NWD1: variants seen among roughly 807,000 people sequenced by gnomAD.
NWD1 encodes NACHT and WD repeat domain containing 1, also known as NACHT domain- and WD repeat-containing protein 1.
NWD1 carries 129 observed loss-of-function variants against 135.1 expected under a neutral mutation model. That is an observed-to-expected ratio of 0.96 (90% CI 0.83 to 1.11). The LOEUF (loss-of-function observed/expected upper bound fraction) is 1.11. Ranked by LOEUF, NWD1 falls within the 50% of genes least tolerant of loss-of-function variation. NWD1 has a pLI of 0.00. For missense variants in NWD1, 1,740 were observed against 1,851.3 expected, an observed-to-expected ratio of 0.94 and a Z score of 1.10; for synonymous variants, 773 against 786.0, an observed-to-expected ratio of 0.98 and a Z score of 0.28.
chr19:16,794,284 T>G (rs1409493314), intron 14 of NWD1, among the ~76,000 whole-genome samples, 179 bp from the exon 15 acceptor site: 9 of 152,138 alleles, frequency 5.9e-5, no homozygotes, highest in Admixed American at 5.9e-4. Flanking sequence ...GGGAATTGCT[T>G]GAACCCGGGA....
chr19:16,763,505 C>T (rs1969098759), intron 8 of NWD1, among the ~76,000 whole-genome samples: 1 of 152,144 alleles, frequency 6.6e-6, no homozygotes. Context: ...TGTTCCCTTG[C>T]CCTGGAATGC....
intron 15 of NWD1, among the ~76,000 whole-genome samples, chr19:16,796,249 T>C (rs1970413662): frequency 6.6e-6 from 1 of 152,000 alleles, no homozygotes; most frequent in Non-Finnish European, 1.5e-5. Flanking sequence ...TTCAGATCAG[T>C]GAACTTCTGA....
chr19:16,782,769 G>T (rs1039712496), intron 12 of NWD1, among the ~76,000 whole-genome samples: 5 of 151,976 alleles, frequency 3.3e-5, no homozygotes, highest in African/African-American at 4.8e-5. Context: ...AGGATGCCTT[G>T]AGCCCGGGTG....
rs147723042 is a variant in NWD1 at position 16,749,527 on chromosome 19, C to T, written c.885C>T (p.Tyr295=). The part of the protein sequence containing the change: ...DTAGQELAWL[Y]QEIRHHLWQS... ...CCGGACAGGAGTTGGCGTGGCTCTA[C>T]CAAGAGATCCGCCACCACCTTTGGC... The change falls in exon 6 of 19, where the codon TAC becomes TAT. Residue 295 remains tyrosine (Y), a synonymous_variant. Coordinates refer to ENST00000524140, the MANE Select transcript of NWD1 (RefSeq NM_001007525.5). 1.5e-4 allele frequency: 243 copies of T among 1,612,070 alleles called. No individual in the cohort carries two copies. The highest frequency in any genetic ancestry group is 1.9e-4 in the Non-Finnish European group (219 of 1,178,450).
intron 10 of NWD1, 79 bp from the exon 11 acceptor site, chr19:16,773,047 C>T: frequency 8.2e-7 from 1 of 1,217,922 alleles, no homozygotes. Flanking sequence ...GGAGCCCCTG[C>T]AGGGAGCAGA....
intron 14 of NWD1, among the ~76,000 whole-genome samples, chr19:16,792,635 T>C (rs138821864): frequency 0.029 from 4,410 of 151,722 alleles, 92 homozygotes; most frequent in Middle Eastern, 0.048. Context: ...TGAGCCAAGA[T>C]TGCACCACTG....
chr19:16,792,587 C>T (rs1970284727), intron 14 of NWD1, among the ~76,000 whole-genome samples: 1 of 152,084 alleles, frequency 6.6e-6, no homozygotes, highest in African/African-American at 2.4e-5. Context: ...GAGGCTGAGG[C>T]AGGAGAATTG....
chr19:16,815,368 TC>T lies in NWD1; in HGVS notation c.*331del. On this transcript the variant is annotated 3_prime_UTR_variant, in exon 19 of 19. Transcript: ENST00000524140. ...AAAAAACCCTGTGGGGGTATGGGGC[TC>T]CAGTGAGTTAGCCCCATTTAATCTA... is the stretch of plus-strand genomic sequence containing the variant. 1 of 679,732 alleles carries T rather than the reference TC, an allele frequency of 1.5e-6. No homozygotes were observed. Among genetic ancestry groups the T allele is most frequent in the Non-Finnish European group, 2.7e-6 (1 of 374,806 alleles). The allele number at this position is 679,732 out of a possible 1,614,324, so 42.1% of individuals were successfully genotyped here.
intron 16 of NWD1, 39 bp from the exon 17 acceptor site, chr19:16,799,847 A>G: frequency 6.5e-7 from 1 of 1,545,984 alleles, no homozygotes; most frequent in Non-Finnish European, 8.7e-7. Context: ...AGTTGTCCAC[A>G]GAAGATGTCA....
At chr19:16,747,536 G>A (rs1968377095) in intron 5 of NWD1, among the ~76,000 whole-genome samples, 1 of 150,758 alleles carries the variant, frequency 6.6e-6, no homozygotes, top group South Asian at 2.1e-4. Flanking sequence ...GCCATCACAG[G>A]TGGCTAACTT....
rs936579866 is a variant in NWD1, at chr19:16,814,744, A to G, written c.4288-284A>G. 3.1e-4 allele frequency among the ~76,000 whole-genome samples: 47 copies of G among 152,196 alleles called. 1 individual carries two copies. The highest frequency in any genetic ancestry group is 1.0e-3 in the African/African-American group (43 of 41,454). On this transcript the variant is annotated intron_variant, in intron 18 of 18. Transcript: ENST00000524140. ...AACCTCTCTTCCTTCTCCTCCTTCA[A>G]CAATAATATTTACTGAGCTCACTCT...
chr19:16,807,604 T>C lies in NWD1; in HGVS notation c.3755T>C (p.Leu1252Pro). ...DLAEGEEQDS[L>P]DTSSEIRCLE... ...CTGGCAGGCGAGGAACAAGATTCCC[T>C]GGACACCTCCAGTGAGATCAGGTGT... is the stretch of plus-strand genomic sequence containing the variant. Residue 1252 changes from leucine (L) to proline (P), a missense_variant, in exon 18 of 19, where the codon CTG (leucine) becomes CCG (proline). By Grantham distance (98) the Leu-to-Pro change is moderately conservative. Coordinates refer to ENST00000524140, the MANE Select transcript of NWD1 (RefSeq NM_001007525.5). 1 of 1,525,846 alleles carries C rather than the reference T, an allele frequency of 6.6e-7. No homozygotes were observed. Among genetic ancestry groups the C allele is most frequent in the Non-Finnish European group, 8.8e-7 (1 of 1,137,174 alleles). 94.5% of individuals were successfully genotyped at this position (1,525,846 alleles called of 1,614,324 possible).
At chr19:16,786,264 C>T (rs1013148163) in intron 12 of NWD1, among the ~76,000 whole-genome samples, 1 of 151,968 alleles carries the variant, frequency 6.6e-6, no homozygotes, top group African/African-American at 2.4e-5. Flanking sequence ...CACTTCGGCC[C>T]CTGAAAGTGC....
intron 12 of NWD1, among the ~76,000 whole-genome samples, chr19:16,785,513 A>AAAAAT (rs569369668): frequency 9.0e-4 from 137 of 151,984 alleles, no homozygotes; most frequent in African/African-American, 1.6e-3. Context: ...TCTGTCTCAA[A>AAAAAT]AAAATAAAAT....
At position 16,767,642 on chromosome 19, in the gene NWD1, C is replaced by A. The variant is rs866558550; in HGVS notation, c.2410+2450C>A. Among the ~76,000 whole-genome samples, 155 of 152,034 alleles carry A rather than the reference C, an allele frequency of 1.0e-3. 2 individuals carry two copies. The highest frequency in any genetic ancestry group is 3.7e-3 in the African/African-American group (153 of 41,504). On this transcript the variant is annotated intron_variant, in intron 10 of 18. Transcript: ENST00000524140. ...TAAAACCCAAAAAACCATCAGATCT[C>A]GTGAAAACTCACTGTCATGAGAACA... is the stretch of plus-strand genomic sequence containing the variant.
At chr19:16,805,776 G>T (rs186267614) in intron 17 of NWD1, among the ~76,000 whole-genome samples, 2 of 152,152 alleles carry the variant, frequency 1.3e-5, no homozygotes, top group African/African-American at 2.4e-5. Flanking sequence ...CCAAATTAAC[G>T]ACTGAATGAA....
intron 14 of NWD1, 68 bp from the exon 15 acceptor site, chr19:16,794,395 T>G: frequency 1.2e-6 from 1 of 863,920 alleles, no homozygotes; most frequent in Non-Finnish European, 1.8e-6. Flanking sequence ...ATTAAAAAAT[T>G]AAAAAATTCC....
intron 16 of NWD1, 61 bp downstream of exon 16, chr19:16,797,947 T>G: frequency 6.6e-7 from 1 of 1,504,078 alleles, no homozygotes. Context: ...CACTGATTCT[T>G]TAGGGATTTT....
chr19:16,808,172 CA>C (rs750116922), intron 18 of NWD1, 36 bp downstream of exon 18: 1 of 1,588,396 alleles, frequency 6.3e-7, no homozygotes, highest in East Asian at 2.2e-5. Context: ...ATGCTAGACC[CA>C]GGCATTGGAA....
Sources: gnomAD v4.1 joint callset for allele counts (sites outside exome capture counted in the v4.1 genomes callset) on GRCh38, gnomAD v4.1.1 for gene constraint, MANE v1.5 for transcripts, NCBI Gene and HGNC (gene_info 2026-07-23, HGNC 2026-07-21) for gene names.